ARFGEF3: variants seen among roughly 807,000 people sequenced by gnomAD.
The protein encoded by ARFGEF3 is ARFGEF family member 3.
In ARFGEF3, 96 loss-of-function variants were observed where a neutral mutation model predicts 221.7. The ratio of observed to expected loss-of-function variants is 0.43; its 90% CI spans 0.37 to 0.51. The LOEUF is 0.51. ARFGEF3 is among the 20% of genes least tolerant of loss of function. The probability of loss-of-function intolerance (pLI) is 0.00; values close to 1 mark genes in which losing one functional copy is unlikely to be tolerated. For synonymous variants in ARFGEF3, 1,145 were observed against 1,126.8 expected, an observed-to-expected ratio of 1.02 and a Z score of -0.32; for missense variants, 2,410 against 2,789.9, an observed-to-expected ratio of 0.86 and a Z score of 3.07.
At position 138,337,273 on chromosome 6, in the gene ARFGEF3, CCTGGCTGTT is replaced by C. The variant is rs1375567223; in HGVS notation, c.*790_*798del. ...AAGAGACATAAGACCGACCAGCCAC[CCTGGCTGTT>C]CTTGTGGTGTTTGTTTCCATCCCCA... On this transcript the variant is annotated 3_prime_UTR_variant, in exon 34 of 34. Coordinates refer to ENST00000251691, the MANE Select transcript of ARFGEF3 (RefSeq NM_020340.5). 1.3e-5 allele frequency: 2 copies of C among 152,586 alleles called. No homozygotes were observed. Among genetic ancestry groups the C allele is most frequent in the Non-Finnish European group, 2.9e-5 (2 of 68,032 alleles). The allele number at this position is 152,586 out of a possible 1,614,324, so 9.5% of individuals were successfully genotyped here.
chr6:138,274,916 T>A (rs796817916), intron 12 of ARFGEF3, among the ~76,000 whole-genome samples: 32 of 150,760 alleles, frequency 2.1e-4, no homozygotes, highest in African/African-American at 7.6e-4. Flanking sequence ...TAGACCAACC[T>A]GACCAACACG....
At chr6:138,270,463 C>CACACACACACACACACAT (rs879929949) in intron 12 of ARFGEF3, among the ~76,000 whole-genome samples, 5 of 123,892 alleles carry the variant, frequency 4.0e-5, no homozygotes, top group Non-Finnish European at 7.9e-5. Flanking sequence ...CACACACACA[C>CACACACACACACACACAT]ATATATATAT....
Position 138,291,838 on chromosome 6 carries a change from C to A in ARFGEF3, c.3153C>A (p.Gly1051=). Residue 1051 remains glycine, a synonymous_variant, in exon 19 of 34, where the codon GGC becomes GGA. Transcript: ENST00000251691. The surrounding 1 kb of genome is among the most constrained non-coding windows in gnomAD (Gnocchi z 4.5). ...SQPQKATGSA[G]LLGDPECEGS... ...CCCAGAAGGCCACTGGAAGCGCTGG[C>A]CTCCTTGGGGACCCCGAGTGTGAGG... 1 of 1,499,838 alleles carries A rather than the reference C, an allele frequency of 6.7e-7. No individual in the cohort carries two copies. The highest frequency in any genetic ancestry group is 1.3e-5 in the South Asian group (1 of 76,508). The allele number at this position is 1,499,838 out of a possible 1,614,324, so 92.9% of individuals were successfully genotyped here.
At position 138,285,923 on chromosome 6, in the gene ARFGEF3, ACTT is replaced by A. The variant is rs759600832; in HGVS notation, c.2462-19_2462-17del. 5.9e-6 allele frequency: 9 copies of A among 1,519,054 alleles called. No individual in the cohort carries two copies. In the Admixed American group the frequency reaches 6.7e-5, roughly 11 times the overall value. The allele number at this position is 1,519,054 out of a possible 1,614,324, so 94.1% of individuals were successfully genotyped here. A position where few individuals can be genotyped will look rare whatever the true frequency, so the allele number is the denominator to read the frequency against. ...GACTGGAGTGTTTTATTTAGGGAAA[ACTT>A]CTTTCTTTTTCCTTGACAGATATTG... is the stretch of plus-strand genomic sequence containing the variant. On this transcript the variant is annotated intron_variant, in intron 14 of 33. Coordinates refer to ENST00000251691, the MANE Select transcript of ARFGEF3 (RefSeq NM_020340.5).
intron 22 of ARFGEF3, among the ~76,000 whole-genome samples, chr6:138,302,666 CTAATGCTAGGAT>C (rs1779648092): frequency 6.6e-6 from 1 of 152,162 alleles, no homozygotes; most frequent in African/African-American, 2.4e-5. Context: ...TACAGAGGAA[CTAATGCTAGGAT>C]TAATGCTAGG....
At chr6:138,290,574 G>C (rs1190148258) in intron 18 of ARFGEF3, among the ~76,000 whole-genome samples, 2 of 152,212 alleles carry the variant, frequency 1.3e-5, no homozygotes, top group Non-Finnish European at 2.9e-5. Context: ...ACCAGCAATA[G>C]CTCCAGAGTC....
At chr6:138,178,198 C>T (rs775964872) in intron 2 of ARFGEF3, among the ~76,000 whole-genome samples, 13 of 152,088 alleles carry the variant, frequency 8.5e-5, no homozygotes, top group Non-Finnish European at 1.3e-4. Flanking sequence ...TAATCCTCAC[C>T]ATTCTTATGT....
At position 138,308,824 on chromosome 6, in the gene ARFGEF3, C is replaced by G; in HGVS notation, c.4059C>G (p.Ser1353Arg). The G allele has an allele frequency of 6.2e-7, 1 of 1,614,006 alleles. No individual in the cohort carries two copies. The highest frequency in any genetic ancestry group is 8.5e-7 in the Non-Finnish European group (1 of 1,179,882). The change falls in exon 24 of 34, where the codon AGC becomes AGG. Residue 1353 changes from serine (S) to arginine (R), a missense_variant. Around this residue, in one of 5 missense-constraint regions of ARFGEF3, gnomAD observed 723 missense variants for 991.9 expected, o/e 0.73. Coordinates refer to ENST00000251691, the MANE Select transcript of ARFGEF3 (RefSeq NM_020340.5). ...NIQVFANAAT[S>R]YIMCLMKFVK... The stretch of plus-strand genomic sequence containing the variant: ...AGGTCTTTGCTAATGCAGCCACTAG[C>G]TACATCATGTGCCTTATGAAGTTTG...
chr6:138,304,534 C>T (rs1779685632), intron 22 of ARFGEF3, among the ~76,000 whole-genome samples: 1 of 152,146 alleles, frequency 6.6e-6, no homozygotes, highest in Non-Finnish European at 1.5e-5. Context: ...GAATTTGTCT[C>T]TAAAGCAGCG....
chr6:138,225,159 A>G (rs535030356), intron 4 of ARFGEF3, among the ~76,000 whole-genome samples: 1 of 152,346 alleles, frequency 6.6e-6, no homozygotes, highest in South Asian at 2.1e-4. Flanking sequence ...GATCTTATTA[A>G]GTGCCTGTTT....
In ARFGEF3 at chr6:138,253,722, T is replaced by G. The variant is rs558328931; in HGVS notation, c.666-158T>G. ...AGATTAGGACTCCAACCTATGAATT[T>G]GGGGAGAGAGACACAGTTCAACCCA... On this transcript the variant is annotated intron_variant, in intron 8 of 33. Coordinates refer to ENST00000251691, the MANE Select transcript of ARFGEF3 (RefSeq NM_020340.5). Among the ~76,000 whole-genome samples the G allele has an allele frequency of 6.6e-5, 10 of 152,368 alleles. No homozygotes were observed. The South Asian group carries it at 1.5e-3, about 22-fold the overall frequency.
At position 138,289,845 on chromosome 6, in the gene ARFGEF3, A is replaced by C. The variant is rs2114633564; in HGVS notation, c.2924A>C (p.Glu975Ala). The C allele has an allele frequency of 6.2e-7, 1 of 1,613,844 alleles. No homozygotes were observed. The highest frequency in any genetic ancestry group is 1.7e-4 in the Middle Eastern group (1 of 6,060). The change falls in exon 18 of 34, where the codon GAG becomes GCG. Residue 975 changes from glutamate to alanine, a missense_variant. Glu to Ala is a moderately radical substitution (Grantham distance 107, BLOSUM62 -1). Around this residue, in one of 5 missense-constraint regions of ARFGEF3, gnomAD observed 594 missense variants for 734.3 expected, o/e 0.81. Transcript: ENST00000251691. ...QVKLKVEQKLEQIGKVQGVWL... is the reference protein window; with the variant it reads ...QVKLKVEQKLAQIGKVQGVWL... ...AAACTAAAAGTGGAGCAGAAACTGG[A>C]GCAGATTGGGAAGGTGCAGGGGGTG... is the stretch of plus-strand genomic sequence containing the variant.
In ARFGEF3 at chr6:138,255,646, C is replaced by T. The variant is rs953338625; in HGVS notation, c.981C>T (p.Ala327=). 5.6e-6 allele frequency: 9 copies of T among 1,613,778 alleles called. No homozygotes were observed. The highest frequency in any genetic ancestry group is 2.7e-5 in the African/African-American group (2 of 74,916). Residue 327 remains alanine, a synonymous_variant, in exon 10 of 34, where the codon GCC becomes GCT. Coordinates refer to ENST00000251691, the MANE Select transcript of ARFGEF3 (RefSeq NM_020340.5). The stretch of plus-strand genomic sequence containing the variant: ...CTCGGACTATCTATTACATCGCAGC[C>T]GAGCTGGTCCGGCTGGTGGGGTCTG... ...PVARTIYYIA[A]ELVRLVGSVD... is the part of the protein sequence containing the mutation.
At chr6:138,215,531 C>T (rs1401258751) in intron 4 of ARFGEF3, among the ~76,000 whole-genome samples, 1 of 152,134 alleles carries the variant, frequency 6.6e-6, no homozygotes, top group East Asian at 1.9e-4. Flanking sequence ...GGTCACACAG[C>T]TAGTGAAATG....
chr6:138,307,472 AAT>A (rs1779747556), intron 23 of ARFGEF3, 75 bp downstream of exon 23: 4 of 1,179,158 alleles, frequency 3.4e-6, no homozygotes, highest in Non-Finnish European at 4.8e-6. Flanking sequence ...AAAAAAAAAA[AAT>A]TGAACAATAG....
At chr6:138,314,166 A>T (rs1329517722) in intron 26 of ARFGEF3, among the ~76,000 whole-genome samples, 5 of 152,222 alleles carry the variant, frequency 3.3e-5, no homozygotes, top group Admixed American at 6.5e-5. Flanking sequence ...CTCTTGCTGT[A>T]TCATCCCAAG....
intron 22 of ARFGEF3, among the ~76,000 whole-genome samples, chr6:138,303,516 T>C (rs1779662614): frequency 6.6e-6 from 1 of 152,012 alleles, no homozygotes; most frequent in South Asian, 2.1e-4. Flanking sequence ...AAAAGATAGA[T>C]AATAGCGGCC....
Position 138,342,634 on chromosome 6 carries a change from T to C in ARFGEF3, c.*6148T>C, listed in dbSNP as rs542887801. ...CTGAAGGTGATTTTAAATTTAAGTA[T>C]GTAGTGTTTGAATTTCTTCCATCCA... On this transcript the variant is annotated 3_prime_UTR_variant, in exon 34 of 34. Coordinates refer to ENST00000251691, the MANE Select transcript of ARFGEF3 (RefSeq NM_020340.5). The C allele has an allele frequency of 6.6e-6, 1 of 152,330 alleles. No homozygotes were observed. Among genetic ancestry groups the C allele is most frequent in the South Asian group, 2.1e-4 (1 of 4,832 alleles). 9.4% of individuals were successfully genotyped at this position (152,330 alleles called of 1,614,324 possible). A position where few individuals can be genotyped will look rare whatever the true frequency, so the allele number is the denominator to read the frequency against.
intron 12 of ARFGEF3, among the ~76,000 whole-genome samples, chr6:138,265,927 G>A (rs1778884793): frequency 6.6e-6 from 1 of 151,798 alleles, no homozygotes; most frequent in Non-Finnish European, 1.5e-5. Flanking sequence ...TATAGATACA[G>A]GGTATTGGCC....
Sources: gnomAD v4.1 joint callset for allele counts (sites outside exome capture counted in the v4.1 genomes callset) on GRCh38, gnomAD v4.1.1 for gene constraint, gnomAD v4.1.1 regional missense constraint, Gnocchi (gnomAD v3.1) non-coding constraint, MANE v1.5 for transcripts, NCBI Gene and HGNC (gene_info 2026-07-23, HGNC 2026-07-21) for gene names.